AHCYL2: variants seen among roughly 807,000 people sequenced by gnomAD.
The protein encoded by AHCYL2 is adenosylhomocysteinase like 2, also known as S-adenosylhomocysteine hydrolase-like protein 2.
A neutral mutation model predicts 81.4 loss-of-function variants in AHCYL2; 28 were observed. The ratio of observed to expected loss-of-function variants is 0.34; its 90% CI spans 0.25 to 0.47. The LOEUF (loss-of-function observed/expected upper bound fraction) is 0.47. Among genes scored for constraint, AHCYL2 ranks in the 20% least tolerant of loss-of-function variants. The pLI is 1.00. For synonymous variants in AHCYL2, 272 were observed against 290.2 expected, an observed-to-expected ratio of 0.94 and a Z score of 0.64; for missense variants, 551 against 785.1, an observed-to-expected ratio of 0.70 and a Z score of 3.56.
chr7:129,396,764 G>A (rs1434254504), intron 4 of AHCYL2, among the ~76,000 whole-genome samples: 1 of 152,114 alleles, frequency 6.6e-6, no homozygotes, highest in Non-Finnish European at 1.5e-5. Context: ...CTGTTGTCCA[G>A]GCTGGAGTGC....
chr7:129,243,972 TTTTA>T (rs1371039167), intron 1 of AHCYL2, among the ~76,000 whole-genome samples: 1 of 151,754 alleles, frequency 6.6e-6, no homozygotes, highest in African/African-American at 2.4e-5. Flanking sequence ...TTTTATTTTA[TTTTA>T]TTTATTATTT....
chr7:129,297,915 GCTA>G (rs1002823425), intron 1 of AHCYL2, among the ~76,000 whole-genome samples: 2 of 152,174 alleles, frequency 1.3e-5, no homozygotes, highest in African/African-American at 4.8e-5. Flanking sequence ...AATAGTGTCA[GCTA>G]CTCAGGAGTC....
chr7:129,253,571 G>C (rs1795312102), intron 1 of AHCYL2, among the ~76,000 whole-genome samples: 1 of 152,172 alleles, frequency 6.6e-6, no homozygotes, highest in African/African-American at 2.4e-5. Context: ...CAGTTTCTCT[G>C]TCTGTAAATA....
intron 12 of AHCYL2, among the ~76,000 whole-genome samples, chr7:129,415,989 C>T (rs894193516): frequency 6.6e-6 from 1 of 151,852 alleles, no homozygotes; most frequent in Non-Finnish European, 1.5e-5. Flanking sequence ...CAGTGAGCCG[C>T]GATCACGCCA....
rs1246078596 is a variant in AHCYL2, at chr7:129,375,856, C to T, written c.364-3782C>T. On this transcript the variant is annotated intron_variant, in intron 1 of 16. Coordinates refer to ENST00000325006, the MANE Select transcript of AHCYL2 (RefSeq NM_015328.4). ...CTGGACCACAGAGGTGGCAGTGGGG[C>T]TGGTAATGTCACTATGCTGGGCAGC... The T allele has an allele frequency of 2.0e-6, 3 of 1,535,850 alleles. No individual in the cohort carries two copies. In the Admixed American group the frequency reaches 5.9e-5, roughly 30 times the overall value.
chr7:129,297,569 C>T (rs901920358), intron 1 of AHCYL2, among the ~76,000 whole-genome samples: 2 of 152,116 alleles, frequency 1.3e-5, no homozygotes, highest in South Asian at 2.1e-4. Flanking sequence ...CTCTGGACTA[C>T]GGGTCCCGAA....
At chr7:129,340,960 G>A (rs1357397713) in intron 1 of AHCYL2, among the ~76,000 whole-genome samples, 3 of 152,168 alleles carry the variant, frequency 2.0e-5, no homozygotes, top group African/African-American at 7.2e-5. Context: ...ATTGAAATCA[G>A]TATATAATTT....
chr7:129,424,894 C>T lies in AHCYL2; in HGVS notation c.1581C>T (p.Ser527=), dbSNP rs754942161. 3 of 1,613,296 alleles carry T rather than the reference C, an allele frequency of 1.9e-6. No individual in the cohort carries two copies. The highest frequency in any genetic ancestry group is 3.3e-5 in the Admixed American group (2 of 60,024). The change falls in exon 14 of 17, where the codon AGC becomes AGT. Residue 527 remains serine (S), a synonymous_variant. Coordinates refer to ENST00000325006, the MANE Select transcript of AHCYL2 (RefSeq NM_015328.4). ...ACTAGGGCCGCCTGCTGAACCTTAG[C>T]TGCTCCACAGTGCCTACATTTGTGC... is the stretch of plus-strand genomic sequence containing the variant. ...LLAEGRLLNL[S]CSTVPTFVLS...
At chr7:129,254,013 TTCACAA>T (rs975429847) in intron 1 of AHCYL2, among the ~76,000 whole-genome samples, 1 of 152,204 alleles carries the variant, frequency 6.6e-6, no homozygotes, top group African/African-American at 2.4e-5. Context: ...AAGTGTTTAT[TTCACAA>T]AATCAAAATA....
In AHCYL2 at chr7:129,249,441, C is replaced by T. The variant is rs374718912; in HGVS notation, c.363+24002C>T. 2.0e-5 allele frequency among the ~76,000 whole-genome samples: 3 copies of T among 151,124 alleles called. No individual in the cohort carries two copies. In the East Asian group the frequency reaches 5.8e-4, roughly 29 times the overall value. On this transcript the variant is annotated intron_variant, in intron 1 of 16. Transcript: ENST00000325006. ...CATTATCTTCTTTTTTTTTTTGAGA[C>T]GGAGTCTTGCTCTGTCGCCCAGGCC...
At chr7:129,229,661 G>A (rs1794350037) in intron 1 of AHCYL2, among the ~76,000 whole-genome samples, 1 of 152,174 alleles carries the variant, frequency 6.6e-6, no homozygotes, top group African/African-American at 2.4e-5. Flanking sequence ...TGTCTGTCTG[G>A]CTAAGGCTTA....
chr7:129,380,742 G>T (rs533114562), intron 2 of AHCYL2, among the ~76,000 whole-genome samples: 1 of 151,738 alleles, frequency 6.6e-6, no homozygotes, highest in African/African-American at 2.4e-5. Context: ...CTTTTTTGTG[G>T]GGTAGCACAA....
chr7:129,245,424 T>G (rs1034207251), intron 1 of AHCYL2, among the ~76,000 whole-genome samples: 18 of 152,206 alleles, frequency 1.2e-4, no homozygotes, highest in African/African-American at 4.1e-4. Flanking sequence ...TTCACACTGT[T>G]GTGCAACCAT....
At chr7:129,280,062 A>G (rs1211964690) in intron 1 of AHCYL2, among the ~76,000 whole-genome samples, 1 of 152,002 alleles carries the variant, frequency 6.6e-6, no homozygotes, top group African/African-American at 2.4e-5. Context: ...GCCTCTATTT[A>G]AGATGGAGTC....
At chr7:129,330,188 A>C (rs1392367776) in intron 1 of AHCYL2, among the ~76,000 whole-genome samples, 1 of 151,960 alleles carries the variant, frequency 6.6e-6, no homozygotes, top group Non-Finnish European at 1.5e-5. Context: ...TCTTTGTACA[A>C]GTGGGTTTTC....
At chr7:129,424,225 CAAAAAAA>C (rs35521435) in intron 13 of AHCYL2, among the ~76,000 whole-genome samples, 1 of 67,368 alleles carries the variant, frequency 1.5e-5, no homozygotes. Flanking sequence ...CCTGTCTCTA[CAAAAAAA>C]AAAAAAAAAA....
intron 1 of AHCYL2, among the ~76,000 whole-genome samples, chr7:129,374,879 T>A (rs1328979247): frequency 2.6e-5 from 4 of 151,644 alleles, no homozygotes; most frequent in East Asian, 3.9e-4. Context: ...TTTTTTTTTT[T>A]AATTAAGGAA....
intron 1 of AHCYL2, among the ~76,000 whole-genome samples, chr7:129,319,586 A>G (rs7803052): frequency 0.25 from 37,754 of 152,196 alleles, 4,740 homozygotes; most frequent in South Asian, 0.37. Flanking sequence ...ACTCTATTAG[A>G]GAATATGTGG....
At chr7:129,292,851 G>A (rs1038895972) in intron 1 of AHCYL2, among the ~76,000 whole-genome samples, 3 of 152,052 alleles carry the variant, frequency 2.0e-5, no homozygotes, top group African/African-American at 7.2e-5. Context: ...TTAAATATTA[G>A]GAACAAGTTA....
Sources: allele counts gnomAD v4.1 joint callset (sites outside exome capture counted in the v4.1 genomes callset), GRCh38; gene constraint gnomAD v4.1.1; transcripts MANE v1.5; gene names NCBI Gene and HGNC (gene_info 2026-07-23, HGNC 2026-07-21).